The following BCKDHB variants were observed in gnomAD, a reference collection of about 807,000 sequenced individuals.
BCKDHB encodes the protein branched chain keto acid dehydrogenase E1 subunit beta, also known as 2-oxoisovalerate dehydrogenase subunit beta, mitochondrial.
Under a neutral mutation model 48.5 loss-of-function variants are expected in BCKDHB, and 41 were observed. The observed-to-expected ratio is 0.85, with a 90% CI of 0.66 to 1.10. BCKDHB has a LOEUF of 1.10. BCKDHB is among the 50% of genes least tolerant of loss of function. The pLI, the probability that BCKDHB is intolerant of heterozygous loss-of-function variation, is 0.00. For synonymous variants in BCKDHB, 201 were observed against 174.8 expected (o/e 1.15, Z -1.18); for missense variants, 496 against 494.2 (o/e 1.00, Z -0.03).
At chr6:80,238,938 T>C (rs1178534999) in intron 8 of BCKDHB, among the ~76,000 whole-genome samples, 2 of 152,236 alleles carry the variant, frequency 1.3e-5, no homozygotes, top group Non-Finnish European at 2.9e-5. Context: ...ACTCATCCTT[T>C]TTTATGGCTG....
intron 6 of BCKDHB, among the ~76,000 whole-genome samples, chr6:80,172,088 G>A (rs1222668939): frequency 6.6e-6 from 1 of 151,980 alleles, no homozygotes; most frequent in Non-Finnish European, 1.5e-5. Context: ...ACATGTGTTT[G>A]GGCTTCATAT....
chr6:80,310,462 A>G (rs187307652), intron 9 of BCKDHB, among the ~76,000 whole-genome samples: 22 of 152,308 alleles, frequency 1.4e-4, no homozygotes, highest in Admixed American at 1.3e-3. Context: ...ATAGTATTCC[A>G]TGGTTTATAT....
intron 6 of BCKDHB, among the ~76,000 whole-genome samples, chr6:80,200,143 A>G (rs1310854741): frequency 2.0e-5 from 3 of 151,698 alleles, no homozygotes; most frequent in East Asian, 1.9e-4. Flanking sequence ...CTTCGTACTC[A>G]ATTTTATTTT....
intron 6 of BCKDHB, among the ~76,000 whole-genome samples, chr6:80,184,592 T>A (rs888449789): frequency 8.5e-5 from 13 of 152,338 alleles, no homozygotes; most frequent in African/African-American, 3.1e-4. Flanking sequence ...GTTTCAAGAT[T>A]TAGAACTCCT....
At chr6:80,170,544 T>A (rs566995650) in intron 5 of BCKDHB, among the ~76,000 whole-genome samples, 1 of 150,906 alleles carries the variant, frequency 6.6e-6, no homozygotes, top group African/African-American at 2.4e-5. Flanking sequence ...TAAACCTCAG[T>A]GTCTATTTCT....
intron 1 of BCKDHB, among the ~76,000 whole-genome samples, chr6:80,126,598 A>G (rs748346591): frequency 6.6e-6 from 1 of 152,120 alleles, no homozygotes; most frequent in African/African-American, 2.4e-5. Flanking sequence ...ACCAGCGTGT[A>G]GATCAGGCAC....
At chr6:80,118,795 A>G (rs894752672) in intron 1 of BCKDHB, among the ~76,000 whole-genome samples, 3 of 151,990 alleles carry the variant, frequency 2.0e-5, no homozygotes, top group African/African-American at 7.3e-5. Context: ...TTGAATTCAT[A>G]GAAAGTAATA....
intron 8 of BCKDHB, among the ~76,000 whole-genome samples, chr6:80,245,169 A>T (rs1489497274): frequency 6.6e-6 from 1 of 152,144 alleles, no homozygotes; most frequent in Non-Finnish European, 1.5e-5. Context: ...ACAGAAAGTC[A>T]ACTGAATTAG....
the BCKDHB span, among the ~76,000 whole-genome samples, chr6:80,408,866 A>G: frequency 7.9e-4 from 114 of 144,286 alleles, no homozygotes; most frequent in Admixed American, 2.8e-3. Context: ...TTGTGTCTCT[A>G]TCTCCTTCAG....
At chr6:80,205,350 T>C (rs980976159) in intron 8 of BCKDHB, among the ~76,000 whole-genome samples, 2 of 152,122 alleles carry the variant, frequency 1.3e-5, no homozygotes, top group Non-Finnish European at 2.9e-5. Context: ...TTTTGTCTTA[T>C]GACTCATTAG....
intron 9 of BCKDHB, among the ~76,000 whole-genome samples, chr6:80,311,318 G>A (rs1768146957): frequency 6.6e-6 from 1 of 152,146 alleles, no homozygotes; most frequent in African/African-American, 2.4e-5. Flanking sequence ...TCTCGGGTAT[G>A]CCTTTATGAG....
At chr6:80,300,126 A>T (rs1767504422) in intron 9 of BCKDHB, among the ~76,000 whole-genome samples, 4 of 151,380 alleles carry the variant, frequency 2.6e-5, no homozygotes, top group Admixed American at 2.0e-4. Context: ...ATCTCAGCCC[A>T]CTGCATCCTT....
chr6:80,289,419 T>C (rs906199159), intron 9 of BCKDHB, among the ~76,000 whole-genome samples: 6 of 152,112 alleles, frequency 3.9e-5, no homozygotes, highest in Non-Finnish European at 5.9e-5. Context: ...AAGGTTAAGA[T>C]GGCTGACTAG....
chr6:80,275,090 A>G (rs574840956), intron 9 of BCKDHB, among the ~76,000 whole-genome samples: 2 of 152,162 alleles, frequency 1.3e-5, no homozygotes, highest in East Asian at 3.9e-4. Flanking sequence ...AGACACCAAA[A>G]CAAAGCATCT....
intron 4 of BCKDHB, among the ~76,000 whole-genome samples, chr6:80,168,202 C>T (rs549120237): frequency 6.6e-6 from 1 of 152,104 alleles, no homozygotes; most frequent in East Asian, 1.9e-4. Flanking sequence ...AGGAGGATAA[C>T]TTAAACCAGG....
At chr6:80,224,409 T>G (rs1775592941) in intron 8 of BCKDHB, among the ~76,000 whole-genome samples, 1 of 152,144 alleles carries the variant, frequency 6.6e-6, no homozygotes, top group African/African-American at 2.4e-5. Flanking sequence ...CCTTTTTTTT[T>G]TAAAACAAGG....
the BCKDHB span, chr6:80,462,840 TC>T: frequency 0.088 from 13,438 of 152,244 alleles, 666 homozygotes; most frequent in Non-Finnish European, 0.11. Flanking sequence ...ATTTTCTTCT[TC>T]CAAATGAAGC....
At chr6:80,253,506 G>A (rs923937838) in intron 8 of BCKDHB, among the ~76,000 whole-genome samples, 4 of 151,978 alleles carry the variant, frequency 2.6e-5, no homozygotes, top group Non-Finnish European at 1.5e-5. Flanking sequence ...CTTGGTCAAG[G>A]GAATGTGGTA....
At chr6:80,268,798 C>CTAAT (rs1190282853) in intron 8 of BCKDHB, among the ~76,000 whole-genome samples, 4 of 152,084 alleles carry the variant, frequency 2.6e-5, no homozygotes, top group Non-Finnish European at 5.9e-5. Context: ...AAACATATGT[C>CTAAT]TAATGTTTGG....
Sources: gnomAD v4.1 joint callset for allele counts (sites outside exome capture counted in the v4.1 genomes callset) on GRCh38, gnomAD v4.1.1 for gene constraint, MANE v1.5 for transcripts, NCBI Gene and HGNC (gene_info 2026-07-23, HGNC 2026-07-21) for gene names.